The following KIAA1328 variants were observed in gnomAD, a reference collection of about 807,000 sequenced individuals.
KIAA1328 encodes KIAA1328, also known as protein hinderin.
KIAA1328 carries 52 observed loss-of-function variants against 68.1 expected under a neutral mutation model. The observed-to-expected ratio is 0.76, with a 90% CI of 0.61 to 0.96. The LOEUF (loss-of-function observed/expected upper bound fraction) is 0.96. Among genes scored for constraint, KIAA1328 ranks in the 40% least tolerant of loss-of-function variants. The probability of loss-of-function intolerance (pLI) is 0.00; values close to 1 mark genes in which losing one functional copy is unlikely to be tolerated. For synonymous variants in KIAA1328, 232 were observed against 239.4 expected (o/e 0.97, Z 0.28); for missense variants, 641 against 677.6 (o/e 0.95, Z 0.60).
At chr18:37,227,280 T>A (rs2154228182), downstream of KIAA1328, among the ~76,000 whole-genome samples, 1 of 152,344 alleles carries the variant, frequency 6.6e-6, no homozygotes, top group East Asian at 1.9e-4. Context: ...GCAAGTTATT[T>A]ATCTGGAAGA....
chr18:37,184,043 C>T (rs1326878102), intron 9 of KIAA1328, among the ~76,000 whole-genome samples: 2 of 152,136 alleles, frequency 1.3e-5, no homozygotes, highest in African/African-American at 4.8e-5. Context: ...CAGAGCCTGG[C>T]TCATAATAGA....
At chr18:37,164,305 C>G (rs1042991326) in intron 8 of KIAA1328, among the ~76,000 whole-genome samples, 1 of 152,138 alleles carries the variant, frequency 6.6e-6, no homozygotes, top group African/African-American at 2.4e-5. Flanking sequence ...CCTGTTTCCC[C>G]AAAATAAGGA....
intron 6 of KIAA1328, among the ~76,000 whole-genome samples, chr18:37,004,392 A>G (rs1380927905): frequency 6.6e-6 from 1 of 151,970 alleles, no homozygotes; most frequent in African/African-American, 2.4e-5. Context: ...TCTACAGGGA[A>G]CTCAAACAAA....
chr18:37,141,531 A>G (rs1196479102), intron 7 of KIAA1328, among the ~76,000 whole-genome samples: 1 of 152,222 alleles, frequency 6.6e-6, no homozygotes, highest in Non-Finnish European at 1.5e-5. Context: ...AATTTTGGCA[A>G]AACAAAAGAC....
At chr18:37,142,955 G>GT (rs1415751411) in intron 7 of KIAA1328, among the ~76,000 whole-genome samples, 1,551 of 126,498 alleles carry the variant, frequency 0.012, 23 homozygotes, top group African/African-American at 0.03. Flanking sequence ...TTTTTTTTTT[G>GT]TTTTTTTTTT....
chr18:37,078,012 C>A (rs1285157731), intron 7 of KIAA1328, among the ~76,000 whole-genome samples: 1 of 152,184 alleles, frequency 6.6e-6, no homozygotes, highest in African/African-American at 2.4e-5. Flanking sequence ...AAAGAGCCCA[C>A]ATTGCCAAGT....
intron 5 of KIAA1328, among the ~76,000 whole-genome samples, chr18:36,935,671 T>G (rs1163142402): frequency 6.6e-6 from 1 of 152,132 alleles, no homozygotes; most frequent in Non-Finnish European, 1.5e-5. Context: ...AGAAACAGAT[T>G]AGGAAGGAAA....
intron 7 of KIAA1328, among the ~76,000 whole-genome samples, chr18:37,153,624 C>CTT (rs772159270): frequency 0.013 from 1,245 of 95,546 alleles, 37 homozygotes; most frequent in African/African-American, 0.034. Context: ...AATCCAATAG[C>CTT]TTTTTTTTTT....
chr18:36,870,916 T>C (rs1437514114), intron 4 of KIAA1328, among the ~76,000 whole-genome samples: 1 of 152,234 alleles, frequency 6.6e-6, no homozygotes, highest in African/African-American at 2.4e-5. Context: ...GGTGTTAGAA[T>C]GCCCAAGGGG....
At chr18:36,977,553 A>G (rs1468992643) in intron 6 of KIAA1328, among the ~76,000 whole-genome samples, 1 of 152,100 alleles carries the variant, frequency 6.6e-6, no homozygotes, top group Non-Finnish European at 1.5e-5. Context: ...TCTTTCTCAG[A>G]TAATTTGTCT....
chr18:36,894,001 T>TAA (rs1419759984), intron 5 of KIAA1328, among the ~76,000 whole-genome samples: 1 of 152,210 alleles, frequency 6.6e-6, no homozygotes, highest in Non-Finnish European at 1.5e-5. Flanking sequence ...CACTTTCACT[T>TAA]ACGCATTTTT....
At chr18:37,093,351 A>G (rs976780031) in intron 7 of KIAA1328, among the ~76,000 whole-genome samples, 3 of 152,174 alleles carry the variant, frequency 2.0e-5, no homozygotes, top group African/African-American at 7.2e-5. Context: ...AATGATACTA[A>G]AGGTACTCAA....
chr18:37,067,346 C>G lies in KIAA1328; in HGVS notation c.1033C>G (p.Leu345Val), dbSNP rs754696394. The change falls in exon 7 of 10, where the codon CTG becomes GTG. Residue 345 changes from leucine (L) to valine (V), a missense_variant. By Grantham distance (32) the Leu-to-Val change is conservative. Transcript: ENST00000280020. ...CSYCRLSWAS[L>V]VHGGGALQPI... ...TTATTGTCGGCTTTCTTGGGCATCT[C>G]TGGTGCATGGTGGTGGGGCACTGCA... is the stretch of plus-strand genomic sequence containing the variant. 5 of 1,613,980 alleles carry G rather than the reference C, an allele frequency of 3.1e-6. No individual in the cohort carries two copies. Among genetic ancestry groups the G allele is most frequent in the Non-Finnish European group, 4.2e-6 (5 of 1,179,862 alleles).
At chr18:37,216,022 C>G (rs1399501347) in intron 9 of KIAA1328, among the ~76,000 whole-genome samples, 4 of 151,980 alleles carry the variant, frequency 2.6e-5, no homozygotes, top group African/African-American at 4.8e-5. Flanking sequence ...TATCGCATCT[C>G]TTTGACTCTT....
chr18:37,000,525 C>T (rs2053549390), intron 6 of KIAA1328, among the ~76,000 whole-genome samples: 1 of 152,078 alleles, frequency 6.6e-6, no homozygotes, highest in Admixed American at 6.6e-5. Flanking sequence ...AACATTCTAT[C>T]CAGCTACTGC....
At chr18:36,858,087 C>CA (rs2047440103) in intron 4 of KIAA1328, among the ~76,000 whole-genome samples, 1 of 151,886 alleles carries the variant, frequency 6.6e-6, no homozygotes, top group Non-Finnish European at 1.5e-5. Context: ...TACATATTAC[C>CA]AAAAAAGGAA....
chr18:37,010,248 T>C (rs985662014), intron 6 of KIAA1328, among the ~76,000 whole-genome samples: 3 of 151,672 alleles, frequency 2.0e-5, no homozygotes, highest in Non-Finnish European at 2.9e-5. Flanking sequence ...TTCGAGACGA[T>C]TGTGGCCAAT....
intron 7 of KIAA1328, among the ~76,000 whole-genome samples, chr18:37,116,491 A>C (rs530750506): frequency 2.0e-5 from 3 of 152,294 alleles, no homozygotes; most frequent in Admixed American, 6.5e-5. Context: ...CCTTCCTTAC[A>C]CCTTATACAA....
At chr18:36,958,988 CTTG>C (rs989388659) in intron 5 of KIAA1328, among the ~76,000 whole-genome samples, 15 of 151,504 alleles carry the variant, frequency 9.9e-5, no homozygotes, top group African/African-American at 2.4e-4. Flanking sequence ...GCATTTTCAG[CTTG>C]TTTTGTTTTT....
Sources: allele counts gnomAD v4.1 joint callset (sites outside exome capture counted in the v4.1 genomes callset), GRCh38; gene constraint gnomAD v4.1.1; transcripts MANE v1.5; gene names NCBI Gene and HGNC (gene_info 2026-07-23, HGNC 2026-07-21).